The following AXIN1 variants were observed in gnomAD, a reference collection of about 807,000 sequenced individuals.
The protein encoded by AXIN1 is axin 1.
In AXIN1, 30 loss-of-function variants were observed where a neutral mutation model predicts 76.4. That is an observed-to-expected ratio of 0.39 (90% CI 0.29 to 0.53). The LOEUF (loss-of-function observed/expected upper bound fraction) is 0.53. Among genes scored for constraint, AXIN1 ranks in the 20% least tolerant of loss-of-function variants. The probability of loss-of-function intolerance (pLI) is 0.66; values close to 1 mark genes in which losing one functional copy is unlikely to be tolerated. For missense variants in AXIN1, 1,140 were observed against 1,198.8 expected, an observed-to-expected ratio of 0.95 and a Z score of 0.72; for synonymous variants, 545 against 501.4, an observed-to-expected ratio of 1.09 and a Z score of -1.16.
chr16:332,608 C>A, intron 2 of AXIN1, among the ~76,000 whole-genome samples: 1 of 144,640 alleles, frequency 6.9e-6, no homozygotes. Flanking sequence ...AAAAATTACA[C>A]TTAACATCTT....
At chr16:321,917 T>C (rs2053468261) in intron 2 of AXIN1, among the ~76,000 whole-genome samples, 1 of 152,144 alleles carries the variant, frequency 6.6e-6, no homozygotes, top group African/African-American at 2.4e-5. Context: ...AAGGCCTAAG[T>C]GGAGCCATCC....
At position 293,392 on chromosome 16, in the gene AXIN1, T is replaced by G. The variant is rs761056326; in HGVS notation, c.2186+96A>C. On this transcript the variant is annotated intron_variant, in intron 8 of 10. Coordinates refer to ENST00000262320, the MANE Select transcript of AXIN1 (RefSeq NM_003502.4). The surrounding 1 kb of genome is among the most constrained non-coding windows in gnomAD (Gnocchi z 4.6). The stretch of plus-strand genomic sequence containing the variant: ...GCTGGGGGACACCCAGAGGGCCGTT[T>G]TTCCCCTGAAGACCTCAGGCCTCGG... 9 of 1,297,982 alleles carry G rather than the reference T, an allele frequency of 6.9e-6. No homozygotes were observed. Among genetic ancestry groups the G allele is most frequent in the Non-Finnish European group, 9.7e-6 (9 of 929,310 alleles). 80.4% of individuals were successfully genotyped at this position (1,297,982 alleles called of 1,614,324 possible).
chr16:312,054 G>A (rs1052719870), intron 3 of AXIN1, among the ~76,000 whole-genome samples: 2 of 152,268 alleles, frequency 1.3e-5, no homozygotes, highest in African/African-American at 2.4e-5. Context: ...CACTTGCCTC[G>A]GGGTTTGTTG....
rs765581240 is a variant in AXIN1 at position 346,353 on chromosome 16, T to C, written c.673A>G (p.Ser225Gly). The change falls in exon 2 of 11, where the codon AGC (serine) becomes GGC (glycine). Residue 225 changes from serine (S) to glycine (G), a missense_variant. By Grantham distance (56) the Ser-to-Gly change is moderately conservative (BLOSUM62 0). Coordinates refer to ENST00000262320, the MANE Select transcript of AXIN1 (RefSeq NM_003502.4). ...CCCTTCCCTGTCCCTGACCCAGAGC[T>C]CTGGTCACTACAGACTTTGGGGCTC... is the stretch of plus-strand genomic sequence containing the variant. ...SESPKVCSDQ[S>G]SGSGTGKGIS... 2 of 1,614,210 alleles carry C rather than the reference T, an allele frequency of 1.2e-6. No homozygotes were observed. Among genetic ancestry groups the C allele is most frequent in the Admixed American group, 3.3e-5 (2 of 60,026 alleles).
rs1208931720 is a variant in AXIN1 at position 340,229 on chromosome 16, C to T, written c.878+5919G>A. Among the ~76,000 whole-genome samples, 6 of 152,308 alleles carry T rather than the reference C, an allele frequency of 3.9e-5. No homozygotes were observed. In the East Asian group the frequency reaches 1.2e-3, roughly 29 times the overall value. ...TCTGAGCAGCTCCAGGAACCAGCAG[C>T]CCAAGACAAGCCACCATGTTGCTCC... On this transcript the variant is annotated intron_variant, in intron 2 of 10. Transcript: ENST00000262320.
rs200741961 is a variant in AXIN1, at chr16:346,382, G to A, written c.644C>T (p.Ser215Leu). 426 of 1,614,194 alleles carry A rather than the reference G, an allele frequency of 2.6e-4. 1 individual carries two copies. The highest frequency in any genetic ancestry group is 6.8e-4 in the South Asian group (62 of 91,082). The part of the protein sequence containing the change: ...DIYLEYTRTG[S>L]ESPKVCSDQS... ...GTCACTACAGACTTTGGGGCTCTCCGAGCCTGTCCTCGTATATTCCAAATA... is the reference window on the plus strand; with the variant it reads ...GTCACTACAGACTTTGGGGCTCTCCAAGCCTGTCCTCGTATATTCCAAATA... Residue 215 changes from serine (S) to leucine (L), a missense_variant, in exon 2 of 11, where the codon TCG becomes TTG. Around this residue, in one of 3 missense-constraint regions of AXIN1, gnomAD observed 708 missense variants for 776.9 expected, o/e 0.91. Transcript: ENST00000262320.
intron 2 of AXIN1, among the ~76,000 whole-genome samples, chr16:334,326 C>T (rs913027921): frequency 2.7e-4 from 37 of 138,088 alleles, no homozygotes; most frequent in African/African-American, 9.2e-4. Context: ...TACCATGGCA[C>T]GCTAATTACA....
chr16:322,307 TGGTAGTGCGGTC>T (rs2053476893), intron 2 of AXIN1, among the ~76,000 whole-genome samples: 1 of 152,210 alleles, frequency 6.6e-6, no homozygotes. Flanking sequence ...ATGGCCCTGC[TGGTAGTGCGGTC>T]TAACGGGAGG....
intron 8 of AXIN1, 113 bp from the exon 9 acceptor site, chr16:291,410 A>G (rs2141477398): frequency 1.1e-6 from 1 of 884,548 alleles, no homozygotes; most frequent in East Asian, 2.7e-5. Context: ...GGCCCGAACA[A>G]CCCACCCTGC....
intron 5 of AXIN1, chr16:299,007 T>C (rs1004212872): frequency 3.0e-5 from 27 of 891,620 alleles, no homozygotes; most frequent in Non-Finnish European, 3.6e-5. Context: ...GACCTCATGA[T>C]CCACCCACCT....
chr16:313,557 C>T (rs1273098606), intron 3 of AXIN1, among the ~76,000 whole-genome samples: 1 of 152,224 alleles, frequency 6.6e-6, no homozygotes, highest in East Asian at 1.9e-4. Context: ...TGGCTTCCTC[C>T]AATGCTGAGG....
At chr16:347,425 G>A (rs1303086968) in intron 1 of AXIN1, among the ~76,000 whole-genome samples, 1 of 152,208 alleles carries the variant, frequency 6.6e-6, no homozygotes, top group African/African-American at 2.4e-5. Context: ...CACCTCAGCT[G>A]CAGAGCTGAG....
At chr16:315,975 C>T (rs1322674015) in intron 2 of AXIN1, among the ~76,000 whole-genome samples, 1 of 152,072 alleles carries the variant, frequency 6.6e-6, no homozygotes, top group Non-Finnish European at 1.5e-5. Context: ...ATCGCTTGAA[C>T]CCGGGAGGCA....
chr16:293,861 G>A lies in AXIN1; in HGVS notation c.1956-143C>T. 1 of 796,284 alleles carries A rather than the reference G, an allele frequency of 1.3e-6. No homozygotes were observed. Among genetic ancestry groups the A allele is most frequent in the Admixed American group, 1.9e-5 (1 of 52,224 alleles). The allele number at this position is 796,284 out of a possible 1,614,324, so 49.3% of individuals were successfully genotyped here. A position where few individuals can be genotyped will look rare whatever the true frequency, so the allele number is the denominator to read the frequency against. On this transcript the variant is annotated intron_variant, in intron 7 of 10. Transcript: ENST00000262320. This position sits in a 1 kb window ranked among gnomAD's most constrained non-coding sequence, Gnocchi z 4.6. ...TGGGGCCTGGCCACCAAGCCACATG[G>A]ACGTCCTCCACAGACCACACAATAA...
In AXIN1 at chr16:319,743, C is replaced by T. The variant is rs540285906; in HGVS notation, c.879-5060G>A. Reference sequence around the variant, plus strand: ...TGGTCACTGTGGTACTTTCATCTTCCGTCTTTTCACATTTAACCATTCTAT... The same window carrying T: ...TGGTCACTGTGGTACTTTCATCTTCTGTCTTTTCACATTTAACCATTCTAT... On this transcript the variant is annotated intron_variant, in intron 2 of 10. Transcript: ENST00000262320. 5.8e-4 allele frequency among the ~76,000 whole-genome samples: 89 copies of T among 152,282 alleles called. No individual in the cohort carries two copies. In the Middle Eastern group the frequency reaches 0.014, roughly 23 times the overall value.
chr16:305,830 C>G (rs1023725016), intron 4 of AXIN1, among the ~76,000 whole-genome samples: 6 of 152,138 alleles, frequency 3.9e-5, no homozygotes, highest in African/African-American at 1.2e-4. Context: ...AGGCGTGAGC[C>G]ACTGCACCCG....
rs140595963 is a variant in AXIN1, at chr16:293,979, A to AG, written c.1956-262_1956-261insC. Among the ~76,000 whole-genome samples the AG allele has an allele frequency of 0.13, 19,084 of 152,082 alleles. 1,409 individuals are homozygous for AG. Among genetic ancestry groups the AG allele is most frequent in the South Asian group, 0.21 (1,014 of 4,810 alleles). Reference sequence around the variant, plus strand: ...GATCACCAGAGGTCGGGAGTTCGAGATCAACCTAACATGGTGAAACCTCAT... The same window carrying AG: ...GATCACCAGAGGTCGGGAGTTCGAGAGTCAACCTAACATGGTGAAACCTCAT... On this transcript the variant is annotated intron_variant, in intron 7 of 10. Transcript: ENST00000262320. This position sits in a 1 kb window ranked among gnomAD's most constrained non-coding sequence, Gnocchi z 4.6.
chr16:323,976 GC>G (rs2141630938), intron 2 of AXIN1, among the ~76,000 whole-genome samples: 1 of 152,282 alleles, frequency 6.6e-6, no homozygotes, highest in Non-Finnish European at 1.5e-5. Flanking sequence ...GCCTGTGGGA[GC>G]CCCAAAGCCC....
intron 2 of AXIN1, among the ~76,000 whole-genome samples, chr16:321,053 T>C (rs188012132): frequency 6.6e-6 from 1 of 152,146 alleles, no homozygotes; most frequent in South Asian, 2.1e-4. Context: ...AAATGTTTCA[T>C]GCCAAAAGAC....
Sources: allele counts gnomAD v4.1 joint callset (sites outside exome capture counted in the v4.1 genomes callset), GRCh38; gene constraint gnomAD v4.1.1; regional missense constraint gnomAD v4.1.1; non-coding constraint Gnocchi (gnomAD v3.1); transcripts MANE v1.5; gene names NCBI Gene and HGNC (gene_info 2026-07-23, HGNC 2026-07-21).